GNL3: variants seen among roughly 807,000 people sequenced by gnomAD.
GNL3 encodes guanine nucleotide-binding protein-like 3.
In GNL3, 77 loss-of-function variants were observed where a neutral mutation model predicts 70.6. The ratio of observed to expected loss-of-function variants is 1.09; its 90% CI spans 0.91 to 1.32. GNL3 has a LOEUF of 1.32. Ranked by LOEUF, GNL3 falls within the 40% of genes most tolerant of loss-of-function variation. The probability of loss-of-function intolerance (pLI) is 0.00; values close to 1 mark genes in which losing one functional copy is unlikely to be tolerated. For missense variants in GNL3, 634 were observed against 644.0 expected (o/e 0.98, Z 0.17); for synonymous variants, 252 against 216.1 (o/e 1.17, Z -1.46).
chr3:52,690,515 G>A (rs373724536), intron 6 of GNL3, 77 bp from the exon 7 acceptor site: 26 of 777,800 alleles, frequency 3.3e-5, no homozygotes, highest in East Asian at 1.0e-4. Flanking sequence ...CGCCTGTCTC[G>A]GCCTCCCAAA....
chr3:52,687,419 G>A (rs775953162), intron 3 of GNL3, 36 bp downstream of exon 3: 7 of 1,609,264 alleles, frequency 4.3e-6, no homozygotes, highest in Non-Finnish European at 6.0e-6. Flanking sequence ...ATTGAGTGGT[G>A]TAGTGTGTTA....
At chr3:52,689,386 C>G in intron 6 of GNL3, 180 bp downstream of exon 6, 1 of 722,624 alleles carries the variant, frequency 1.4e-6, no homozygotes, top group Non-Finnish European at 2.5e-6. Flanking sequence ...ACTGACTCAA[C>G]TGGTTTCTAC....
intron 5 of GNL3, 97 bp from the exon 6 acceptor site, chr3:52,688,977 C>G (rs571130667): frequency 1.0e-6 from 1 of 960,794 alleles, no homozygotes; most frequent in Admixed American, 1.9e-5. Context: ...ATGGATAATG[C>G]CAGTACTCTC....
Position 52,693,215 on chromosome 3 carries a change from A to C in GNL3, c.1073A>C (p.Tyr358Ser). Residue 358 changes from tyrosine (Y) to serine (S), a missense_variant, in exon 11 of 15, where the codon TAC becomes TCC. Tyr to Ser is a moderately radical substitution (Grantham distance 144). Transcript: ENST00000418458. The part of the protein sequence containing the change: ...QVVLKYTVPG[Y>S]RNSLEFFTVL... ...GTACTGAAATATACTGTCCCAGGCT[A>C]CAGGAATTCTCTGGAATTTTTTACT... is the stretch of plus-strand genomic sequence containing the variant. 1 of 1,613,648 alleles carries C rather than the reference A, an allele frequency of 6.2e-7. No homozygotes were observed. Among genetic ancestry groups the C allele is most frequent in the Non-Finnish European group, 8.5e-7 (1 of 1,179,810 alleles).
Position 52,690,880 on chromosome 3 carries a change from T to G in GNL3, c.655-65T>G. Reference sequence around the variant, plus strand: ...TAAGAGCTGGGCTCTGGAGCCTGATTGCTTGGGGTTTGTTGAAATTTATCA... The same window carrying G: ...TAAGAGCTGGGCTCTGGAGCCTGATGGCTTGGGGTTTGTTGAAATTTATCA... On this transcript the variant is annotated intron_variant, in intron 7 of 14. Transcript: ENST00000418458. 3 of 1,539,452 alleles carry G rather than the reference T, an allele frequency of 1.9e-6. No individual in the cohort carries two copies. In the South Asian group the frequency reaches 3.4e-5, roughly 17 times the overall value.
At chr3:52,686,348 T>C (rs1208188094) in intron 1 of GNL3, 2 of 592,848 alleles carry the variant, frequency 3.4e-6, no homozygotes, top group Non-Finnish European at 6.0e-6. Context: ...CTAGGCTAGA[T>C]TTTCGTAAGG....
At chr3:52,693,847 T>TAA in intron 13 of GNL3, 40 bp downstream of exon 13, 1 of 1,526,132 alleles carries the variant, frequency 6.6e-7, no homozygotes, top group Non-Finnish European at 9.1e-7. Flanking sequence ...AAGTGAGTTT[T>TAA]CTAGCATTAT....
In GNL3 at chr3:52,687,451, A is replaced by G. The variant is rs758255101; in HGVS notation, c.211-51A>G. On this transcript the variant is annotated intron_variant, in intron 3 of 14. Coordinates refer to ENST00000418458, the MANE Select transcript of GNL3 (RefSeq NM_014366.5). ...GTTATGTGTGATATTTTTCAGAGTA[A>G]GGTAACAACACTAGTCACTGGTTCA... is the stretch of plus-strand genomic sequence containing the variant. 1.6e-5 allele frequency: 26 copies of G among 1,592,906 alleles called. No individual in the cohort carries two copies. The Admixed American group carries it at 3.7e-4, about 23-fold the overall frequency.
chr3:52,691,604 GT>G lies in GNL3; in HGVS notation c.846del (p.Gly283ValfsTer22). ...NSLKQEQMCN[V>X]GVSMGLTRSM... ...CTTAAAACAAGAACAGATGTGTAAT[GT>G]TGGTGTATCCATGGGGCTTACAAGG... On this transcript the variant is annotated frameshift_variant, in exon 9 of 15. Coordinates refer to ENST00000418458, the MANE Select transcript of GNL3 (RefSeq NM_014366.5). LOFTEE classifies it high-confidence loss of function. 6.3e-7 allele frequency: 1 copy of G among 1,593,428 alleles called. No individual in the cohort carries two copies. The highest frequency in any genetic ancestry group is 2.2e-5 in the East Asian group (1 of 44,728).
rs769627492 is a variant in GNL3, at chr3:52,687,551, A to G, written c.260A>G (p.Glu87Gly). The change falls in exon 4 of 15, where the codon GAA (glutamate) becomes GGA (glycine). Residue 87 changes from glutamate (E) to glycine (G), a missense_variant. Physicochemically the swap from Glu to Gly is moderately conservative, Grantham distance 98 (BLOSUM62 -2). Coordinates refer to ENST00000418458, the MANE Select transcript of GNL3 (RefSeq NM_014366.5). Reference sequence around the variant, plus strand: ...AAACTTGACAGGCAGAAGGAACTAGAAAAGAAAAGAAAACTTGAAACTAAT... The same window carrying G: ...AAACTTGACAGGCAGAAGGAACTAGGAAAGAAAAGAAAACTTGAAACTAAT... ...QQKLDRQKEL[E>G]KKRKLETNPD... 3 of 1,613,430 alleles carry G rather than the reference A, an allele frequency of 1.9e-6. No homozygotes were observed. The highest frequency in any genetic ancestry group is 2.5e-6 in the Non-Finnish European group (3 of 1,179,462).
At chr3:52,691,476 C>A in intron 8 of GNL3, 66 bp from the exon 9 acceptor site, 1 of 904,294 alleles carries the variant, frequency 1.1e-6, no homozygotes, top group Admixed American at 1.8e-5. Context: ...GAAAATTAGG[C>A]AGTGAAAATT....
chr3:52,692,801 G>A, intron 9 of GNL3, 71 bp from the exon 10 acceptor site: 1 of 1,195,144 alleles, frequency 8.4e-7, no homozygotes, highest in Non-Finnish European at 1.2e-6. Context: ...ATCCAACCCT[G>A]AGCTTCATGT....
Position 52,690,967 on chromosome 3 carries a change from C to T in GNL3, c.677C>T (p.Ala226Val), listed in dbSNP as rs372442220. The T allele has an allele frequency of 2.7e-5, 44 of 1,613,612 alleles. No homozygotes were observed. The highest frequency in any genetic ancestry group is 1.6e-4 in the Middle Eastern group (1 of 6,084). Residue 226 changes from alanine to valine, a missense_variant, in exon 8 of 15, where the codon GCT becomes GTT. Physicochemically the swap from Ala to Val is moderately conservative, Grantham distance 64 (BLOSUM62 0). Transcript: ENST00000418458. ...ITKRVKAKKN[A>V]APFRSEVCFG... ...TAGCGTGTGAAGGCAAAGAAGAATG[C>T]TGCTCCATTCAGAAGTGAAGTCTGC...
At chr3:52,688,349 C>T (rs1045108995) in intron 5 of GNL3, 157 bp downstream of exon 5, 6 of 565,096 alleles carry the variant, frequency 1.1e-5, no homozygotes, top group African/African-American at 7.5e-5. Flanking sequence ...ATTTCATCAC[C>T]CAGGTATTAA....
Position 52,687,504 on chromosome 3 carries a change from TGAA to T in GNL3, c.217_219del (p.Glu73del). On this transcript the variant is annotated inframe_deletion, in exon 4 of 15. Transcript: ENST00000418458. ...TATTTCCCTTATGGCTCTGACAGCT[TGAA>T]GAACTAAAACAGCAGCAGAAACTTG... 1 of 1,611,600 alleles carries T rather than the reference TGAA, an allele frequency of 6.2e-7. No homozygotes were observed.
rs956734628 is a variant in GNL3 at position 52,694,406 on chromosome 3, T to G, written c.*131T>G. 590 of 593,954 alleles carry G rather than the reference T, an allele frequency of 9.9e-4. 1 individual carries two copies. Among genetic ancestry groups the G allele is most frequent in the Non-Finnish European group, 1.6e-3 (519 of 332,444 alleles). The allele number at this position is 593,954 out of a possible 1,614,324, so 36.8% of individuals were successfully genotyped here. On this transcript the variant is annotated 3_prime_UTR_variant, in exon 15 of 15. Transcript: ENST00000418458. Reference sequence around the variant, plus strand: ...ATGTATTATATTAAAACCAGGCAACTTGGAATCCCTAAATTCTGTAAAAAG... The same window carrying G: ...ATGTATTATATTAAAACCAGGCAACGTGGAATCCCTAAATTCTGTAAAAAG...
chr3:52,686,369 T>G (rs1367272638), intron 1 of GNL3: 1 of 588,618 alleles, frequency 1.7e-6, no homozygotes, highest in Non-Finnish European at 3.0e-6. Flanking sequence ...AAGCAGCGTC[T>G]GAGCCAGGTT....
At chr3:52,692,481 A>G (rs949725192) in intron 9 of GNL3, among the ~76,000 whole-genome samples, 3 of 150,054 alleles carry the variant, frequency 2.0e-5, no homozygotes, top group Admixed American at 6.7e-5. Context: ...GCACCCGGCT[A>G]ATTTTTGTAT....
intron 1 of GNL3, 163 bp downstream of exon 1, chr3:52,686,268 T>C (rs935738478): frequency 1.7e-5 from 12 of 712,130 alleles, no homozygotes; most frequent in Non-Finnish European, 2.8e-5. Flanking sequence ...GAGTTGGAAG[T>C]CCCTACGGCG....
Sources: gnomAD v4.1 joint callset for allele counts (sites outside exome capture counted in the v4.1 genomes callset) on GRCh38, gnomAD v4.1.1 for gene constraint, MANE v1.5 for transcripts, NCBI Gene and HGNC (gene_info 2026-07-23, HGNC 2026-07-21) for gene names.